TTC29: variants seen among roughly 807,000 people sequenced by gnomAD.
TTC29 encodes the protein tetratricopeptide repeat domain 29, also known as tetratricopeptide repeat protein 29.
Under a neutral mutation model 58.1 loss-of-function variants are expected in TTC29, and 49 were observed. That is an observed-to-expected ratio of 0.84 (90% CI 0.67 to 1.07). The LOEUF (loss-of-function observed/expected upper bound fraction) is 1.07. Ranked by LOEUF, TTC29 falls within the 50% of genes least tolerant of loss-of-function variation. The pLI is 0.00. For missense variants in TTC29, 582 were observed against 555.6 expected, an observed-to-expected ratio of 1.05 and a Z score of -0.48; for synonymous variants, 209 against 196.8, an observed-to-expected ratio of 1.06 and a Z score of -0.52.
At chr4:146,709,384 C>A (rs1330476441) in intron 11 of TTC29, among the ~76,000 whole-genome samples, 1 of 152,162 alleles carries the variant, frequency 6.6e-6, no homozygotes, top group African/African-American at 2.4e-5. Context: ...ACCTCCAATT[C>A]TACCACCTTT....
At chr4:146,916,704 G>C (rs1734245548) in intron 4 of TTC29, among the ~76,000 whole-genome samples, 1 of 151,456 alleles carries the variant, frequency 6.6e-6, no homozygotes, top group African/African-American at 2.4e-5. Context: ...GTTACATCAT[G>C]TAAATTTGGT....
At chr4:146,832,081 G>A (rs185168224) in intron 9 of TTC29, among the ~76,000 whole-genome samples, 1 of 152,152 alleles carries the variant, frequency 6.6e-6, no homozygotes, top group Non-Finnish European at 1.5e-5. Flanking sequence ...AGTTATGCTG[G>A]AACACAATGG....
intron 11 of TTC29, among the ~76,000 whole-genome samples, chr4:146,747,079 T>C (rs546511605): frequency 6.6e-6 from 1 of 152,202 alleles, no homozygotes; most frequent in African/African-American, 2.4e-5. Context: ...AAAGGTAGGA[T>C]AGAGGACCCC....
chr4:146,829,450 T>C (rs1728019863), intron 9 of TTC29, among the ~76,000 whole-genome samples: 1 of 152,196 alleles, frequency 6.6e-6, no homozygotes, highest in Non-Finnish European at 1.5e-5. Flanking sequence ...GGTTTGTTGA[T>C]TGTGCCACCA....
chr4:146,791,357 T>G (rs1749434954), intron 11 of TTC29, among the ~76,000 whole-genome samples: 1 of 152,220 alleles, frequency 6.6e-6, no homozygotes, highest in African/African-American at 2.4e-5. Flanking sequence ...AACTTACTAT[T>G]AATATTATTA....
At chr4:146,894,161 C>T (rs80298219) in intron 6 of TTC29, among the ~76,000 whole-genome samples, 14,753 of 151,946 alleles carry the variant, frequency 0.097, 887 homozygotes, top group East Asian at 0.19. Flanking sequence ...ACCATTTGAC[C>T]CAGCAATCCC....
At chr4:146,902,890 G>A (rs1158677982) in intron 6 of TTC29, among the ~76,000 whole-genome samples, 1 of 152,100 alleles carries the variant, frequency 6.6e-6, no homozygotes, top group Non-Finnish European at 1.5e-5. Flanking sequence ...ATGAGATAGT[G>A]TTTTGAGGGA....
At chr4:146,890,098 T>C (rs1732251340) in intron 6 of TTC29, among the ~76,000 whole-genome samples, 1 of 152,152 alleles carries the variant, frequency 6.6e-6, no homozygotes, top group Non-Finnish European at 1.5e-5. Flanking sequence ...TATATTAGTT[T>C]CCTGGAGCTG....
chr4:146,837,481 A>C (rs1361187758), intron 8 of TTC29, among the ~76,000 whole-genome samples: 1 of 152,198 alleles, frequency 6.6e-6, no homozygotes, highest in East Asian at 1.9e-4. Flanking sequence ...CTGCACATGT[A>C]CCGCTGAACT....
At chr4:146,752,859 C>T (rs1746126588) in intron 11 of TTC29, among the ~76,000 whole-genome samples, 1 of 152,100 alleles carries the variant, frequency 6.6e-6, no homozygotes, top group African/African-American at 2.4e-5. Context: ...ACGTAGAAAG[C>T]CAAAACTGGA....
intron 8 of TTC29, among the ~76,000 whole-genome samples, chr4:146,841,449 G>GA (rs1234879569): frequency 4.0e-5 from 6 of 151,666 alleles, no homozygotes; most frequent in South Asian, 2.1e-4. Flanking sequence ...ATTTCTGTGT[G>GA]AAAAAAACAA....
rs569453522 is a variant in TTC29, at chr4:146,810,443, A to G, written c.1102-6758T>C. ...TGTTCTTATCAATAAAAGGTGGTCA[A>G]ATATTGGCAGTTTCATATGGTTCAA... On this transcript the variant is annotated intron_variant, in intron 10 of 12. Coordinates refer to ENST00000325106, the MANE Select transcript of TTC29 (RefSeq NM_031956.4). Among the ~76,000 whole-genome samples the G allele has an allele frequency of 2.6e-5, 4 of 152,322 alleles. No individual in the cohort carries two copies. The South Asian group carries it at 8.3e-4, about 32-fold the overall frequency.
intron 11 of TTC29, among the ~76,000 whole-genome samples, chr4:146,729,850 G>C (rs1252255245): frequency 6.6e-6 from 1 of 151,798 alleles, no homozygotes; most frequent in Non-Finnish European, 1.5e-5. Flanking sequence ...GAACAGCTTG[G>C]GGGAAACTGC....
At chr4:146,922,906 G>A (rs1286985928) in intron 4 of TTC29, among the ~76,000 whole-genome samples, 1 of 151,656 alleles carries the variant, frequency 6.6e-6, no homozygotes, top group Non-Finnish European at 1.5e-5. Context: ...ACAATAGCTG[G>A]AGAAGATTTA....
In TTC29 at chr4:146,909,945, G is replaced by A. The variant is rs541907778; in HGVS notation, c.177-696C>T. Among the ~76,000 whole-genome samples, 21 of 152,128 alleles carry A rather than the reference G, an allele frequency of 1.4e-4. No homozygotes were observed. In the East Asian group the frequency reaches 4.1e-3, roughly 29 times the overall value. On this transcript the variant is annotated intron_variant, in intron 4 of 12. Coordinates refer to ENST00000325106, the MANE Select transcript of TTC29 (RefSeq NM_031956.4). ...CGCTTACATTCTAGGGGCAGAACATGACTAACAAATAAGTAAGCAAATGAG... is the reference window on the plus strand; with the variant it reads ...CGCTTACATTCTAGGGGCAGAACATAACTAACAAATAAGTAAGCAAATGAG...
rs1744101144 is a variant in TTC29, at chr4:146,728,860, C to CATATACATGTATATATATACGT, written c.1331-21310_1331-21309insACGTATATATATACATGTATAT. Among the ~76,000 whole-genome samples the CATATACATGTATATATATACGT allele has an allele frequency of 1.3e-4, 8 of 62,052 alleles. No individual in the cohort carries two copies. The East Asian group carries it at 3.6e-3, about 28-fold the overall frequency. The allele number at this position is 62,052 out of a possible 152,430, so 40.7% of individuals were successfully genotyped here. A position where few individuals can be genotyped will look rare whatever the true frequency, so the allele number is the denominator to read the frequency against. ...ACACATATATATGTATATATATACA[C>CATATACATGTATATATATACGT]ATATATATGTGTGTGTATATATATA... is the stretch of plus-strand genomic sequence containing the variant. On this transcript the variant is annotated intron_variant, in intron 11 of 12. Coordinates refer to ENST00000325106, the MANE Select transcript of TTC29 (RefSeq NM_031956.4).
At chr4:146,837,637 A>G (rs1049725505) in intron 8 of TTC29, among the ~76,000 whole-genome samples, 2 of 152,096 alleles carry the variant, frequency 1.3e-5, no homozygotes, top group Non-Finnish European at 1.5e-5. Context: ...CACTTTTACA[A>G]AGAATACTTC....
chr4:146,919,105 T>A (rs921318026), intron 4 of TTC29, among the ~76,000 whole-genome samples: 15 of 151,284 alleles, frequency 9.9e-5, no homozygotes, highest in Middle Eastern at 3.4e-3. Flanking sequence ...CAAAATAATT[T>A]GTGTAGAAAA....
At chr4:146,747,956 C>T (rs1057489781) in intron 11 of TTC29, among the ~76,000 whole-genome samples, 1 of 152,182 alleles carries the variant, frequency 6.6e-6, no homozygotes, top group Non-Finnish European at 1.5e-5. Flanking sequence ...CTGTGCTGTT[C>T]CCCACCCGCT....
Sources: gnomAD v4.1 joint callset for allele counts (sites outside exome capture counted in the v4.1 genomes callset) on GRCh38, gnomAD v4.1.1 for gene constraint, MANE v1.5 for transcripts, NCBI Gene and HGNC (gene_info 2026-07-23, HGNC 2026-07-21) for gene names.